Variants in PLEC observed in about 807,000 individuals in gnomAD.
PLEC encodes the protein plectin.
PLEC carries 216 observed loss-of-function variants against 392.8 expected under a neutral mutation model. The ratio of observed to expected loss-of-function variants is 0.55; its 90% CI spans 0.49 to 0.62. The LOEUF (loss-of-function observed/expected upper bound fraction) is 0.62, where lower values mean the gene tolerates loss of function less well. PLEC is among the 20% of genes least tolerant of loss of function. The probability of loss-of-function intolerance (pLI) is 0.00; values close to 1 mark genes in which losing one functional copy is unlikely to be tolerated. For synonymous variants in PLEC, 3,621 were observed against 2,980.6 expected (o/e 1.21, Z -7.00); for missense variants, 6,863 against 6,563.4 (o/e 1.05, Z -1.58).
In PLEC at chr8:143,920,741, G is replaced by A. The variant is rs368619368; in HGVS notation, c.9080C>T (p.Ala3027Val). The A allele has an allele frequency of 7.2e-5, 116 of 1,604,706 alleles. No homozygotes were observed. The highest frequency in any genetic ancestry group is 6.6e-4 in the Middle Eastern group (4 of 6,062). ...RRALRGANVI[A>V]GVWLEEAGQK... ...CCCCGCCTCCTCCAGCCATACACCC[G>A]CGATGACGTTGGCACCCCGGAGAGC... Residue 3027 changes from alanine to valine, a missense_variant, in exon 32 of 32, where the codon GCG becomes GTG. By Grantham distance (64) the Ala-to-Val change is moderately conservative. Transcript: ENST00000345136.
At chr8:143,933,751 C>T (rs376893663) in intron 12 of PLEC, among the ~76,000 whole-genome samples, 3 of 152,140 alleles carry the variant, frequency 2.0e-5, no homozygotes. Context: ...CTGGCGGGGG[C>T]AAGGCAGCCC....
In PLEC at chr8:143,920,981, G is replaced by A. The variant is rs782130064; in HGVS notation, c.8840C>T (p.Thr2947Met). ...GATCTTCTCCACTGTGATCCGGCCC[G>A]TGCGGAACTGCCGCAGCAGGTCCCG... ...QRRDLLRQFR[T>M]GRITVEKIIK... is the part of the protein sequence containing the mutation. Residue 2947 changes from threonine (T) to methionine (M), a missense_variant, in exon 32 of 32, where the codon ACG becomes ATG. Coordinates refer to ENST00000345136, the MANE Select transcript of PLEC (RefSeq NM_201384.3). 49 of 1,612,918 alleles carry A rather than the reference G, an allele frequency of 3.0e-5. No homozygotes were observed. The highest frequency in any genetic ancestry group is 1.6e-4 in the Middle Eastern group (1 of 6,084).
upstream of PLEC, chr8:143,953,648 C>A: frequency 6.8e-7 from 1 of 1,480,522 alleles, no homozygotes; most frequent in Middle Eastern, 1.7e-4. Flanking sequence ...CTGCCCGCCA[C>A]CCTGCGTGGA....
chr8:143,917,209 G>T lies in PLEC; in HGVS notation c.12612C>A (p.Asp4204Glu). 1 of 1,613,062 alleles carries T rather than the reference G, an allele frequency of 6.2e-7. No individual in the cohort carries two copies. Among genetic ancestry groups the T allele is most frequent in the East Asian group, 2.2e-5 (1 of 44,860 alleles). Residue 4204 changes from aspartate (D) to glutamate (E), a missense_variant, in exon 32 of 32, where the codon GAC becomes GAA. Coordinates refer to ENST00000345136, the MANE Select transcript of PLEC (RefSeq NM_201384.3). ...GGTTCTTGGCGATGGCATCATCGAT[G>T]TCGTACTGGCGCCCGGAGCGGCGGT... ...IIDRRSGRQY[D>E]IDDAIAKNLI... is the part of the protein sequence containing the mutation.
At chr8:143,962,275 C>T (rs555665623) in intron 1 of PLEC, among the ~76,000 whole-genome samples, 36 of 152,360 alleles carry the variant, frequency 2.4e-4, no homozygotes, top group Admixed American at 1.3e-3. Flanking sequence ...GATGCAGCCA[C>T]AAGCCAAGGG....
rs367661945 is a variant in PLEC at position 143,920,995 on chromosome 8, C to T, written c.8826G>A (p.Leu2942=). ...TGATCCGGCCCGTGCGGAACTGCCG[C>T]AGCAGGTCCCGCCGCTGCTCTGCCG... ...YFTAEQRRDL[L]RQFRTGRITV... The change falls in exon 32 of 32, where the codon CTG becomes CTA. Residue 2942 remains leucine (L), a synonymous_variant. Coordinates refer to ENST00000345136, the MANE Select transcript of PLEC (RefSeq NM_201384.3). 5.0e-6 allele frequency: 8 copies of T among 1,613,142 alleles called. No homozygotes were observed. In the Admixed American group the frequency reaches 6.7e-5, roughly 13 times the overall value.
chr8:143,958,243 C>T (rs1245637662), upstream of PLEC, among the ~76,000 whole-genome samples: 3 of 152,150 alleles, frequency 2.0e-5, no homozygotes, highest in Non-Finnish European at 4.4e-5. This position sits in a 1 kb window ranked among gnomAD's most constrained non-coding sequence, Gnocchi z 4.9. Context: ...GTCGGGCCAG[C>T]CAGCCTGCAG....
chr8:143,938,572 T>TC, intron 2 of PLEC, 59 bp downstream of exon 2: 1 of 1,578,736 alleles, frequency 6.3e-7, no homozygotes, highest in Non-Finnish European at 8.7e-7. Context: ...GGGGCCACCC[T>TC]CCCTCAGCGC....
chr8:143,921,406 C>T lies in PLEC; in HGVS notation c.8415G>A (p.Leu2805=), dbSNP rs782006945. The T allele has an allele frequency of 1.2e-5, 19 of 1,613,222 alleles. No individual in the cohort carries two copies. The highest frequency in any genetic ancestry group is 5.0e-5 in the Admixed American group (3 of 59,998). The change falls in exon 32 of 32, where the codon CTG becomes CTA. Residue 2805 remains leucine, a synonymous_variant. Coordinates refer to ENST00000345136, the MANE Select transcript of PLEC (RefSeq NM_201384.3). ...CGCCCGTGGCGATCTGGGCCTCCAG[C>T]AGGCGGATGCCGTGCTCCCGGACGA... The part of the protein sequence containing the change: ...GLIVREHGIR[L]LEAQIATGGV...
In PLEC at chr8:143,920,392, G is replaced by A. The variant is rs782508734; in HGVS notation, c.9429C>T (p.Ile3143=). The A allele has an allele frequency of 1.6e-5, 26 of 1,591,546 alleles. No individual in the cohort carries two copies. The highest frequency in any genetic ancestry group is 3.4e-5 in the Admixed American group (2 of 58,616). Residue 3143 remains isoleucine, a synonymous_variant, in exon 32 of 32, where the codon ATC becomes ATT. Coordinates refer to ENST00000345136, the MANE Select transcript of PLEC (RefSeq NM_201384.3). ...LLDAQLSTGG[I]VDPSKSHRVP... ...CGCGGTGGCTCTTGCTGGGGTCCAC[G>A]ATGCCGCCCGTGGACAGCTGGGCGT...
upstream of PLEC, chr8:143,953,979 C>T (rs992242158): frequency 1.6e-5 from 20 of 1,280,208 alleles, no homozygotes; most frequent in Admixed American, 3.7e-5. Context: ...CCCCTCCCCC[C>T]CAGCCTGTGG....
Position 143,922,560 on chromosome 8 carries a change from G to C in PLEC, c.7369C>G (p.Arg2457Gly), listed in dbSNP as rs200652637. Residue 2457 changes from arginine to glycine, a missense_variant, in exon 31 of 32, where the codon CGT becomes GGT. Arg to Gly is a moderately radical substitution (Grantham distance 125). Transcript: ENST00000345136. The part of the protein sequence containing the change: ...RLREAIAELE[R>G]EKEKLQQEAK... ...TCCTGTTGGAGCTTCTCCTTCTCAC[G>C]CTCCAGCTCAGCGATGGCCTCCCGC... is the stretch of plus-strand genomic sequence containing the variant. 3.1e-6 allele frequency: 5 copies of C among 1,613,244 alleles called. No individual in the cohort carries two copies. Among genetic ancestry groups the C allele is most frequent in the Non-Finnish European group, 4.2e-6 (5 of 1,179,982 alleles).
intron 1 of PLEC, among the ~76,000 whole-genome samples, chr8:143,948,429 G>A (rs145468028): frequency 2.0e-5 from 3 of 152,302 alleles, no homozygotes; most frequent in African/African-American, 7.2e-5. Flanking sequence ...AGGGCCATCC[G>A]GACCCCTGTC....
intron 10 of PLEC, 46 bp downstream of exon 10, chr8:143,934,589 T>C (rs782247209): frequency 7.8e-5 from 125 of 1,601,382 alleles, no homozygotes; most frequent in Non-Finnish European, 9.9e-5. Flanking sequence ...CTTTCAGGCC[T>C]GGGGCGTTCC....
upstream of PLEC, among the ~76,000 whole-genome samples, chr8:143,952,006 C>T (rs1832200747): frequency 6.6e-6 from 1 of 152,210 alleles, no homozygotes; most frequent in South Asian, 2.1e-4. Flanking sequence ...CACACCCCTT[C>T]CCACCAAGCC....
chr8:143,957,723 A>G (rs1238447800), upstream of PLEC, among the ~76,000 whole-genome samples: 2 of 152,134 alleles, frequency 1.3e-5, no homozygotes, highest in African/African-American at 2.4e-5. Flanking sequence ...ACACCTGCGA[A>G]TGGGATGGGC....
chr8:143,975,048 G>GC, upstream of PLEC: 1 of 1,043,560 alleles, frequency 9.6e-7, no homozygotes, highest in South Asian at 1.4e-5. The surrounding 1 kb of genome is among the most constrained non-coding windows in gnomAD (Gnocchi z 9.9). Flanking sequence ...GACGCGCGAG[G>GC]CCCTCCGTGA....
intron 2 of PLEC, 21 bp from the exon 3 acceptor site, chr8:143,938,261 G>C: frequency 6.4e-7 from 1 of 1,573,948 alleles, no homozygotes; most frequent in Non-Finnish European, 8.6e-7. Context: ...AGCAGCGGCT[G>C]AGGTGGCCAG....
upstream of PLEC, among the ~76,000 whole-genome samples, chr8:143,952,727 C>G (rs1385364293): frequency 2.0e-5 from 3 of 152,186 alleles, no homozygotes; most frequent in Non-Finnish European, 4.4e-5. Flanking sequence ...GACCTAGGTT[C>G]TCTCCTACAC....
Sources: allele counts gnomAD v4.1 joint callset (sites outside exome capture counted in the v4.1 genomes callset), GRCh38; gene constraint gnomAD v4.1.1; non-coding constraint Gnocchi (gnomAD v3.1); transcripts MANE v1.5; gene names NCBI Gene and HGNC (gene_info 2026-07-23, HGNC 2026-07-21).